AGBL1: variants seen among roughly 807,000 people sequenced by gnomAD.
AGBL1 encodes the protein AGBL carboxypeptidase 1, also known as cytosolic carboxypeptidase 4.
A neutral mutation model predicts 118.9 loss-of-function variants in AGBL1; 130 were observed. The observed-to-expected ratio is 1.09, with a 90% confidence interval of 0.95 to 1.26. AGBL1 has a LOEUF of 1.26. Among genes scored for constraint, AGBL1 ranks in the 50% most tolerant of loss-of-function variants. AGBL1 has a pLI of 0.00. For synonymous variants in AGBL1, 555 were observed against 478.9 expected (o/e 1.16, Z -2.08); for missense variants, 1,584 against 1,298.1 (o/e 1.22, Z -3.38).
chr15:86,119,159 T>C (rs77207845), intron 1 of AGBL1, among the ~76,000 whole-genome samples: 1,923 of 152,312 alleles, frequency 0.013, 21 homozygotes, highest in East Asian at 0.049. Flanking sequence ...CCAACTCAAC[T>C]TAAACCACAC....
chr15:86,325,412 T>C (rs1402020217), intron 17 of AGBL1, among the ~76,000 whole-genome samples: 1 of 152,122 alleles, frequency 6.6e-6, no homozygotes, highest in Non-Finnish European at 1.5e-5. Flanking sequence ...TTTAAGAGCA[T>C]GAGAAAAGAG....
chr15:86,968,722 A>G (rs557728849), intron 23 of AGBL1, among the ~76,000 whole-genome samples: 7 of 152,008 alleles, frequency 4.6e-5, no homozygotes, highest in Admixed American at 4.6e-4. Context: ...AGGCTGCTAT[A>G]ACAAAATGGC....
chr15:86,931,311 C>T (rs568413609), intron 23 of AGBL1, among the ~76,000 whole-genome samples: 1 of 152,236 alleles, frequency 6.6e-6, no homozygotes, highest in East Asian at 1.9e-4. Context: ...GAAATTTACC[C>T]CTACGTTTAA....
downstream of AGBL1, among the ~76,000 whole-genome samples, chr15:86,917,271 T>A (rs565728169): frequency 6.6e-6 from 1 of 152,252 alleles, no homozygotes; most frequent in Non-Finnish European, 1.5e-5. This position sits in a 1 kb window ranked among gnomAD's most constrained non-coding sequence, Gnocchi z 4.8. Context: ...CAGAGAGAGT[T>A]CTTTCACAGT....
intron 18 of AGBL1, among the ~76,000 whole-genome samples, chr15:86,406,155 C>A (rs2081526745): frequency 6.6e-6 from 1 of 152,188 alleles, no homozygotes; most frequent in African/African-American, 2.4e-5. Context: ...TATTTGATTG[C>A]AGCTGCTCTG....
chr15:86,079,806 C>T (rs979819730), upstream of AGBL1: 11 of 413,586 alleles, frequency 2.7e-5, no homozygotes, highest in South Asian at 1.3e-4. Context: ...ACGCCTGTGC[C>T]GAGGTCTAGG....
At chr15:86,709,706 G>T (rs764901452) in intron 22 of AGBL1, among the ~76,000 whole-genome samples, 15 of 152,268 alleles carry the variant, frequency 9.9e-5, no homozygotes, top group Admixed American at 5.2e-4. Context: ...TGGGAAGACA[G>T]CATGGTGTGA....
chr15:86,098,693 C>T (rs1239018839), intron 1 of AGBL1, among the ~76,000 whole-genome samples: 1 of 152,054 alleles, frequency 6.6e-6, no homozygotes, highest in African/African-American at 2.4e-5. Context: ...TGTACAAATA[C>T]CATGCTGTTT....
At position 86,086,931 on chromosome 15, in the gene AGBL1, A is replaced by G. The variant is rs142522685; in HGVS notation, c.51+6908A>G. 2.3e-3 allele frequency among the ~76,000 whole-genome samples: 355 copies of G among 152,348 alleles called. 13 individuals carry two copies. The East Asian group carries it at 0.059, about 25-fold the overall frequency. On this transcript the variant is annotated intron_variant, in intron 1 of 22. Transcript: ENST00000614907. ...ATAGTGCTGCTTTGCACATTCCAGTACATGTCTTTGTGAACAAATGTATGC... is the reference window on the plus strand; with the variant it reads ...ATAGTGCTGCTTTGCACATTCCAGTGCATGTCTTTGTGAACAAATGTATGC...
intron 22 of AGBL1, among the ~76,000 whole-genome samples, chr15:86,889,186 T>C (rs991374413): frequency 6.6e-6 from 1 of 151,972 alleles, no homozygotes. Context: ...CAGTAACCCA[T>C]TTTATCTCTG....
At chr15:86,757,093 T>A (rs2077953181) in intron 22 of AGBL1, among the ~76,000 whole-genome samples, 1 of 152,080 alleles carries the variant, frequency 6.6e-6, no homozygotes, top group Admixed American at 6.6e-5. Flanking sequence ...AGTATACGAT[T>A]TTCTGAGTAT....
At chr15:86,546,363 T>C (rs2083582489) in intron 20 of AGBL1, among the ~76,000 whole-genome samples, 2 of 152,142 alleles carry the variant, frequency 1.3e-5, no homozygotes, top group African/African-American at 4.8e-5. Flanking sequence ...CTGTTTTCTA[T>C]GTGGTTTGAT....
In AGBL1 at chr15:86,565,642, C is replaced by T. The variant is rs150113052; in HGVS notation, c.2994+11105C>T. Among the ~76,000 whole-genome samples, 182 of 152,368 alleles carry T rather than the reference C, an allele frequency of 1.2e-3. 1 individual carries two copies. Among genetic ancestry groups the T allele is most frequent in the African/African-American group, 4.2e-3 (174 of 41,586 alleles). On this transcript the variant is annotated intron_variant, in intron 21 of 22. Coordinates refer to ENST00000614907, the MANE Select transcript of AGBL1 (RefSeq NM_001386094.1). ...CTCAAACTCCATGCTAGGAGAACCA[C>T]TACTGTCTTCAATGCTGTCAGACAG... is the stretch of plus-strand genomic sequence containing the variant.
intron 22 of AGBL1, among the ~76,000 whole-genome samples, chr15:86,814,186 G>A (rs568507571): frequency 3.7e-4 from 56 of 152,278 alleles, no homozygotes; most frequent in African/African-American, 1.3e-3. Context: ...TCAAATCAGC[G>A]GCAGCACTGG....
Position 86,418,456 on chromosome 15 carries a change from G to T in AGBL1, c.2555+20910G>T, listed in dbSNP as rs536308849. ...CACAGCTGGAACAATTCCCAAAATT[G>T]TTCTTGGTTACAGGTGCTGGTTTTT... On this transcript the variant is annotated intron_variant, in intron 18 of 22. Coordinates refer to ENST00000614907, the MANE Select transcript of AGBL1 (RefSeq NM_001386094.1). 2.4e-4 allele frequency among the ~76,000 whole-genome samples: 36 copies of T among 152,260 alleles called. No homozygotes were observed. In the South Asian group the frequency reaches 6.0e-3, roughly 25 times the overall value.
intron 22 of AGBL1, among the ~76,000 whole-genome samples, chr15:86,696,992 A>T (rs1218215436): frequency 6.6e-6 from 1 of 151,760 alleles, no homozygotes; most frequent in African/African-American, 2.4e-5. Flanking sequence ...GTTTTTTTTA[A>T]TAGGTTACCT....
intron 22 of AGBL1, among the ~76,000 whole-genome samples, chr15:86,902,314 C>T (rs2080221994): frequency 6.6e-6 from 1 of 152,030 alleles, no homozygotes; most frequent in Non-Finnish European, 1.5e-5. Flanking sequence ...TATAGGTGGG[C>T]AGTGATATCT....
chr15:86,849,500 GCTTT>G (rs1223975810), intron 22 of AGBL1, among the ~76,000 whole-genome samples: 18 of 139,388 alleles, frequency 1.3e-4, no homozygotes, highest in Admixed American at 4.5e-4. Flanking sequence ...TAAGGTGATG[GCTTT>G]CTTTCTTTCT....
chr15:86,718,970 G>A (rs185973199), intron 22 of AGBL1, among the ~76,000 whole-genome samples: 26 of 152,034 alleles, frequency 1.7e-4, no homozygotes, highest in African/African-American at 4.8e-4. Context: ...TTGGCTTCTG[G>A]TCTAACTGCC....
Sources: allele counts gnomAD v4.1 joint callset (sites outside exome capture counted in the v4.1 genomes callset), GRCh38; gene constraint gnomAD v4.1.1; non-coding constraint Gnocchi (gnomAD v3.1); transcripts MANE v1.5; gene names NCBI Gene and HGNC (gene_info 2026-07-23, HGNC 2026-07-21).